JAKMIP2: variants seen among roughly 807,000 people sequenced by gnomAD.
The protein encoded by JAKMIP2 is janus kinase and microtubule interacting protein 2, also known as janus kinase and microtubule-interacting protein 2.
In JAKMIP2, 25 loss-of-function variants were observed where a neutral mutation model predicts 115.0. The observed-to-expected ratio is 0.22, with a 90% CI of 0.16 to 0.30. JAKMIP2 has a LOEUF of 0.30. Among genes scored for constraint, JAKMIP2 ranks in the 10% least tolerant of loss-of-function variants. The pLI is 1.00. For synonymous variants in JAKMIP2, 334 were observed against 343.6 expected (o/e 0.97, Z 0.31); for missense variants, 642 against 957.6 (o/e 0.67, Z 4.35).
At chr5:147,718,508 A>G (rs1753112210) in intron 1 of JAKMIP2, among the ~76,000 whole-genome samples, 2 of 152,076 alleles carry the variant, frequency 1.3e-5, no homozygotes, top group Non-Finnish European at 2.9e-5. Flanking sequence ...GCTATTGATT[A>G]TTGCCACAAT....
intron 21 of JAKMIP2, among the ~76,000 whole-genome samples, chr5:147,595,077 T>C (rs1352620732): frequency 6.6e-6 from 1 of 152,178 alleles, no homozygotes; most frequent in Non-Finnish European, 1.5e-5. Flanking sequence ...GCTTGGTATG[T>C]CTACAGACTT....
intron 7 of JAKMIP2, 69 bp from the exon 8 acceptor site, chr5:147,641,833 C>G: frequency 1.5e-6 from 2 of 1,292,198 alleles, no homozygotes; most frequent in Admixed American, 3.4e-5. Flanking sequence ...TTTGCAAAGA[C>G]AGAGTGTTCT....
chr5:147,629,806 C>T (rs988174930), intron 14 of JAKMIP2, 60 bp from the exon 15 acceptor site: 1 of 1,340,924 alleles, frequency 7.5e-7, no homozygotes, highest in Admixed American at 1.7e-5. Context: ...TCCATCAGTG[C>T]CTGAACATGA....
intron 1 of JAKMIP2, among the ~76,000 whole-genome samples, chr5:147,680,909 G>A (rs1238063356): frequency 6.6e-6 from 1 of 152,142 alleles, no homozygotes; most frequent in Non-Finnish European, 1.5e-5. Flanking sequence ...AAAAATGAAT[G>A]TGAAATATTC....
intron 21 of JAKMIP2, among the ~76,000 whole-genome samples, chr5:147,592,944 G>A (rs767535332): frequency 6.6e-6 from 1 of 152,190 alleles, no homozygotes; most frequent in Non-Finnish European, 1.5e-5. Flanking sequence ...CAGAGTCACA[G>A]AGGAGAACCT....
chr5:147,730,156 C>A (rs1352882521), intron 1 of JAKMIP2, among the ~76,000 whole-genome samples: 4 of 152,168 alleles, frequency 2.6e-5, no homozygotes, highest in African/African-American at 7.2e-5. Context: ...AATACACTTA[C>A]ATTTGTTTAA....
At position 147,651,303 on chromosome 5, in the gene JAKMIP2, T is replaced by G. The variant is rs1232276337; in HGVS notation, c.628-756A>C. Among the ~76,000 whole-genome samples the G allele has an allele frequency of 3.3e-5, 5 of 152,344 alleles. No homozygotes were observed. In the East Asian group the frequency reaches 5.8e-4, roughly 18 times the overall value. ...TATGCATTTCTGCTAAGCCTGGGCATGGCCTCAGAAGAATTTCTCAACTAA... is the reference window on the plus strand; with the variant it reads ...TATGCATTTCTGCTAAGCCTGGGCAGGGCCTCAGAAGAATTTCTCAACTAA... On this transcript the variant is annotated intron_variant, in intron 3 of 21. Transcript: ENST00000616793.
chr5:147,638,231 T>C (rs1416831366), intron 10 of JAKMIP2, among the ~76,000 whole-genome samples: 1 of 152,164 alleles, frequency 6.6e-6, no homozygotes, highest in Non-Finnish European at 1.5e-5. Context: ...TTCTTGTAGA[T>C]TATTTTTCTA....
At chr5:147,690,144 G>A (rs1580786429) in intron 1 of JAKMIP2, among the ~76,000 whole-genome samples, 1 of 152,016 alleles carries the variant, frequency 6.6e-6, no homozygotes, top group Non-Finnish European at 1.5e-5. Flanking sequence ...GAGACCACAG[G>A]TTTGAGACCA....
At chr5:147,748,094 T>C (rs1327927113) in intron 1 of JAKMIP2, among the ~76,000 whole-genome samples, 1 of 152,164 alleles carries the variant, frequency 6.6e-6, no homozygotes, top group Non-Finnish European at 1.5e-5. Context: ...TCTCACAAAA[T>C]GATAAAAGTA....
chr5:147,624,484 G>A (rs961492351), intron 16 of JAKMIP2, among the ~76,000 whole-genome samples: 7 of 152,108 alleles, frequency 4.6e-5, no homozygotes, highest in Non-Finnish European at 2.9e-5. Flanking sequence ...TTGGGACAAC[G>A]GTAATTTTTC....
At chr5:147,639,898 C>A in intron 9 of JAKMIP2, 138 bp from the exon 10 acceptor site, 1 of 948,170 alleles carries the variant, frequency 1.1e-6, no homozygotes, top group South Asian at 1.7e-5. Context: ...ATTTTTAGCT[C>A]TGAAGTGTAT....
At chr5:147,751,830 A>G (rs559599938) in intron 1 of JAKMIP2, among the ~76,000 whole-genome samples, 16 of 152,306 alleles carry the variant, frequency 1.1e-4, no homozygotes, top group Non-Finnish European at 1.8e-4. Flanking sequence ...GAGGTTCTGT[A>G]GGACTGCAGG....
intron 1 of JAKMIP2, among the ~76,000 whole-genome samples, chr5:147,751,256 G>GTTT (rs59032563): frequency 0.13 from 16,704 of 131,244 alleles, 1,614 homozygotes; most frequent in East Asian, 0.33. Context: ...TTTTGTTGTT[G>GTTT]TTTTTTTTTT....
chr5:147,616,837 A>G (rs925140841), intron 19 of JAKMIP2, among the ~76,000 whole-genome samples: 2 of 152,176 alleles, frequency 1.3e-5, no homozygotes, highest in African/African-American at 4.8e-5. Context: ...TATAAAATCC[A>G]CAAAGCTCCT....
chr5:147,632,563 G>A (rs543109061), intron 13 of JAKMIP2, 117 bp downstream of exon 13: 4 of 693,906 alleles, frequency 5.8e-6, no homozygotes, highest in East Asian at 2.6e-5. Context: ...GGGTGATTGT[G>A]AGGTCCAAAT....
chr5:147,598,697 G>A (rs114112843), intron 21 of JAKMIP2, among the ~76,000 whole-genome samples: 218 of 152,186 alleles, frequency 1.4e-3, no homozygotes, highest in African/African-American at 5.1e-3. Context: ...AGCGTTCGAT[G>A]GCTTCTATAT....
At chr5:147,768,995 T>C (rs1473082546) in intron 1 of JAKMIP2, among the ~76,000 whole-genome samples, 1 of 152,156 alleles carries the variant, frequency 6.6e-6, no homozygotes, top group Non-Finnish European at 1.5e-5. Flanking sequence ...TGGCTAACCA[T>C]TTATTAGCTG....
intron 1 of JAKMIP2, among the ~76,000 whole-genome samples, chr5:147,710,243 A>T (rs866481405): frequency 7.7e-4 from 118 of 152,326 alleles, no homozygotes; most frequent in African/African-American, 2.7e-3. Context: ...GGTATCATAC[A>T]GATTTTTTGT....
Sources: allele counts gnomAD v4.1 joint callset (sites outside exome capture counted in the v4.1 genomes callset), GRCh38; gene constraint gnomAD v4.1.1; transcripts MANE v1.5; gene names NCBI Gene and HGNC (gene_info 2026-07-23, HGNC 2026-07-21).